Variants in ACSM2B observed in about 807,000 individuals in gnomAD.
ACSM2B encodes acyl-CoA synthetase medium chain family member 2B.
ACSM2B carries 58 observed loss-of-function variants against 78.6 expected under a neutral mutation model. That is an observed-to-expected ratio of 0.74 (90% CI 0.60 to 0.92). ACSM2B has a LOEUF of 0.92. Among genes scored for constraint, ACSM2B ranks in the 40% least tolerant of loss-of-function variants. The probability of loss-of-function intolerance (pLI) is 0.00; values close to 1 mark genes in which losing one functional copy is unlikely to be tolerated. For synonymous variants in ACSM2B, 257 were observed against 256.8 expected (o/e 1.00, Z -0.01); for missense variants, 688 against 711.2 (o/e 0.97, Z 0.37).
intron 12 of ACSM2B, 119 bp from the exon 13 acceptor site, chr16:20,540,892 G>C: frequency 4.9e-6 from 7 of 1,422,004 alleles, no homozygotes; most frequent in Non-Finnish European, 6.6e-6. Context: ...TGCACCCCCG[G>C]TGATCCAGGT....
intron 2 of ACSM2B, among the ~76,000 whole-genome samples, chr16:20,563,214 A>G (rs2015719489): frequency 6.6e-6 from 1 of 152,306 alleles, no homozygotes; most frequent in Admixed American, 6.5e-5. Context: ...TTATTTCAGT[A>G]AAATTCTCAC....
At chr16:20,566,250 TA>T (rs1567217790) in intron 1 of ACSM2B, among the ~76,000 whole-genome samples, 1,447 of 42,312 alleles carry the variant, frequency 0.034, 70 homozygotes, top group African/African-American at 0.096. Flanking sequence ...TGGAAGATTA[TA>T]TATATATATA....
At chr16:20,547,404 A>G in intron 8 of ACSM2B, 1 of 985,124 alleles carries the variant, frequency 1.0e-6, no homozygotes, top group Non-Finnish European at 1.2e-6. Context: ...TTAGCTAAAG[A>G]AGGATGCAGG....
At chr16:20,567,104 T>G (rs1817594909) in intron 1 of ACSM2B, among the ~76,000 whole-genome samples, 1 of 135,674 alleles carries the variant, frequency 7.4e-6, no homozygotes, top group African/African-American at 2.7e-5. Context: ...AATATCATAA[T>G]ATATATAATA....
At position 20,540,663 on chromosome 16, in the gene ACSM2B, G is replaced by T. The variant is rs770957508; in HGVS notation, c.1620C>A (p.Tyr540Ter). The T allele has an allele frequency of 6.2e-7, 1 of 1,613,996 alleles. No individual in the cohort carries two copies. The highest frequency in any genetic ancestry group is 8.5e-7 in the Non-Finnish European group (1 of 1,179,926). ...AGCTCAAAGGCCTTACCTTTCTTGG[G>T]TACTTGTATGGGGCTGTCACTGACT... Reference protein sequence around the residue: ...HVKSVTAPYKYPRKIEFVLNL... With the variant: ...HVKSVTAPYK The change falls in exon 13 of 14, where the codon TAC becomes TAA. Residue 540 changes from tyrosine to a stop codon, truncating the protein, a stop_gained. Transcript: ENST00000329697. LOFTEE classifies it high-confidence loss of function.
intron 11 of ACSM2B, 32 bp downstream of exon 11, chr16:20,543,103 A>T: frequency 1.2e-6 from 2 of 1,613,678 alleles, no homozygotes; most frequent in Non-Finnish European, 1.7e-6. Flanking sequence ...AAAGACCCAG[A>T]TTTCCCTTCC....
intron 1 of ACSM2B, among the ~76,000 whole-genome samples, chr16:20,571,436 C>T (rs948066872): frequency 1.3e-5 from 2 of 151,856 alleles, no homozygotes; most frequent in Non-Finnish European, 2.9e-5. Context: ...TGAGAGAGTA[C>T]TTGATATAAT....
chr16:20,548,845 G>A (rs1459558027), intron 6 of ACSM2B, among the ~76,000 whole-genome samples: 1 of 152,084 alleles, frequency 6.6e-6, no homozygotes, highest in Non-Finnish European at 1.5e-5. Context: ...TGTCTTGGTT[G>A]AGTCCCTTAA....
At chr16:20,569,051 A>G (rs2016017987) in intron 1 of ACSM2B, among the ~76,000 whole-genome samples, 1 of 151,750 alleles carries the variant, frequency 6.6e-6, no homozygotes, top group African/African-American at 2.4e-5. Flanking sequence ...TCGCCATACA[A>G]AAGCTCTTTA....
chr16:20,555,154 C>G (rs1596719697), intron 4 of ACSM2B, 115 bp downstream of exon 4: 9 of 1,493,872 alleles, frequency 6.0e-6, no homozygotes, highest in Non-Finnish European at 8.1e-6. Context: ...CAGCTTCACT[C>G]TTCCTAGTCC....
intron 12 of ACSM2B, 36 bp downstream of exon 12, chr16:20,542,878 T>C: frequency 6.2e-7 from 1 of 1,611,596 alleles, no homozygotes; most frequent in Non-Finnish European, 8.5e-7. Flanking sequence ...CTTGTGTTCA[T>C]ATCTGTTCAC....
At chr16:20,574,894 T>C (rs2016201297) in intron 1 of ACSM2B, among the ~76,000 whole-genome samples, 1 of 150,152 alleles carries the variant, frequency 6.7e-6, no homozygotes, top group Admixed American at 6.6e-5. Context: ...TCATTTTCTT[T>C]CATCACTTTA....
intron 12 of ACSM2B, chr16:20,542,587 C>A (rs1474174473): frequency 5.7e-5 from 18 of 317,280 alleles, no homozygotes; most frequent in Non-Finnish European, 9.4e-5. Flanking sequence ...TTTTGATATG[C>A]TGATTTCTTT....
chr16:20,545,546 A>T (rs2015112824), intron 9 of ACSM2B, among the ~76,000 whole-genome samples: 1 of 152,114 alleles, frequency 6.6e-6, no homozygotes, highest in Non-Finnish European at 1.5e-5. Flanking sequence ...TACCTTTGAG[A>T]CCTACCTCAC....
At chr16:20,555,692 C>A (rs1053468849) in intron 3 of ACSM2B, among the ~76,000 whole-genome samples, 1 of 152,056 alleles carries the variant, frequency 6.6e-6, no homozygotes, top group African/African-American at 2.4e-5. Context: ...CCTACTGAGA[C>A]AAAGAAAAGA....
intron 9 of ACSM2B, 141 bp downstream of exon 9, chr16:20,546,253 C>T: frequency 1.4e-6 from 2 of 1,417,138 alleles, no homozygotes; most frequent in Non-Finnish European, 1.9e-6. Context: ...TTCCCCCTAA[C>T]CTCCCTCCGT....
chr16:20,573,756 C>G (rs1004451918), intron 1 of ACSM2B, among the ~76,000 whole-genome samples: 5 of 151,112 alleles, frequency 3.3e-5, no homozygotes, highest in African/African-American at 1.2e-4. Context: ...TGATGGTGAC[C>G]CCGAGCAGCA....
At chr16:20,542,139 T>C in intron 12 of ACSM2B, 1 of 151,460 alleles carries the variant, frequency 6.6e-6, no homozygotes, top group Non-Finnish European at 1.5e-5. Flanking sequence ...TTTTGAAATA[T>C]ACAATACATG....
intron 1 of ACSM2B, among the ~76,000 whole-genome samples, chr16:20,569,878 A>G (rs538758125): frequency 5.9e-5 from 9 of 152,068 alleles, no homozygotes; most frequent in South Asian, 4.1e-4. Flanking sequence ...ATTAAAGTAT[A>G]GCAGAGCTAC....
Sources: gnomAD v4.1 joint callset for allele counts (sites outside exome capture counted in the v4.1 genomes callset) on GRCh38, gnomAD v4.1.1 for gene constraint, MANE v1.5 for transcripts, NCBI Gene and HGNC (gene_info 2026-07-23, HGNC 2026-07-21) for gene names.